The following ACVRL1 variants were observed in gnomAD, a reference collection of about 807,000 sequenced individuals.
ACVRL1 encodes the protein activin A receptor like type 1, also known as activin receptor type-1-like.
ACVRL1 carries 20 observed loss-of-function variants against 51.9 expected under a neutral mutation model. The ratio of observed to expected loss-of-function variants is 0.39; its 90% CI spans 0.27 to 0.56. ACVRL1 has a LOEUF of 0.56. ACVRL1 is among the 20% of genes least tolerant of loss of function. The pLI is 0.67. For missense variants in ACVRL1, 451 were observed against 670.3 expected (o/e 0.67, Z 3.61); for synonymous variants, 288 against 280.9 (o/e 1.03, Z -0.25).
intron 1 of ACVRL1, among the ~76,000 whole-genome samples, chr12:51,909,997 G>A (rs1013997162): frequency 2.6e-5 from 4 of 152,246 alleles, no homozygotes; most frequent in Admixed American, 6.5e-5. Flanking sequence ...CCAGGAGTCT[G>A]TCTGTGCTAC....
intron 8 of ACVRL1, among the ~76,000 whole-genome samples, chr12:51,916,764 A>G (rs573348918): frequency 6.6e-6 from 1 of 152,360 alleles, no homozygotes; most frequent in East Asian, 1.9e-4. Context: ...ACCTGAGGTC[A>G]GGAATTCAAG....
intron 1 of ACVRL1, among the ~76,000 whole-genome samples, chr12:51,910,615 C>T (rs11169953): frequency 0.36 from 54,242 of 151,986 alleles, 10,120 homozygotes; most frequent in East Asian, 0.57. Flanking sequence ...GCCACTTTTT[C>T]CTTTCCACCT....
intron 3 of ACVRL1, 46 bp from the exon 4 acceptor site, chr12:51,913,513 G>T (rs1475360763): frequency 1.9e-6 from 3 of 1,568,736 alleles, no homozygotes; most frequent in Non-Finnish European, 2.6e-6. Context: ...CGAGGTGGGG[G>T]GAGCTGACCT....
chr12:51,919,250 G>A, intron 9 of ACVRL1, 135 bp downstream of exon 9: 1 of 1,370,192 alleles, frequency 7.3e-7, no homozygotes, highest in Non-Finnish European at 1.0e-6. Context: ...ACCTCTCTAG[G>A]TACTCCCTCT....
chr12:51,917,573 A>G lies in ACVRL1; in HGVS notation c.1246+1340A>G, dbSNP rs909355123. On this transcript the variant is annotated intron_variant, in intron 8 of 9. Coordinates refer to ENST00000388922, the MANE Select transcript of ACVRL1 (RefSeq NM_000020.3). The surrounding 1 kb of genome is among the most constrained non-coding windows in gnomAD (Gnocchi z 4.2). ...GGCTGGAGCCCTGCTTCTTGGGGAC[A>G]AGGATGTCCTCATTTCCTGAGCATC... Among the ~76,000 whole-genome samples, 1 of 151,972 alleles carries G rather than the reference A, an allele frequency of 6.6e-6. No homozygotes were observed. The highest frequency in any genetic ancestry group is 2.4e-5 in the African/African-American group (1 of 41,374).
intron 8 of ACVRL1, among the ~76,000 whole-genome samples, chr12:51,918,411 A>G (rs1394656025): frequency 6.6e-6 from 1 of 152,380 alleles, no homozygotes; most frequent in South Asian, 2.1e-4. Flanking sequence ...AGTGGAGCTC[A>G]TAGTATTACC....
At chr12:51,914,115 T>C in intron 5 of ACVRL1, 42 bp downstream of exon 5, 5 of 1,591,984 alleles carry the variant, frequency 3.1e-6, no homozygotes, top group Non-Finnish European at 4.3e-6. Context: ...CCAAGGGCTC[T>C]CATGAGCCTG....
chr12:51,916,884 G>C (rs1032014615), intron 8 of ACVRL1, among the ~76,000 whole-genome samples: 4 of 152,180 alleles, frequency 2.6e-5, no homozygotes, highest in African/African-American at 9.7e-5. Flanking sequence ...TGAGGCAGGA[G>C]AATCACTTGA....
chr12:51,908,846 T>G (rs1940641174), intron 1 of ACVRL1, among the ~76,000 whole-genome samples: 1 of 152,152 alleles, frequency 6.6e-6, no homozygotes, highest in Admixed American at 6.5e-5. Context: ...TGAACCCAGG[T>G]CTCCATGCTC....
intron 6 of ACVRL1, among the ~76,000 whole-genome samples, 195 bp downstream of exon 6, chr12:51,914,780 G>C (rs991743405): frequency 1.3e-5 from 2 of 149,110 alleles, no homozygotes; most frequent in Non-Finnish European, 1.5e-5. Context: ...ACAGGGCCTC[G>C]CTCTGTCACC....
chr12:51,913,789 G>T lies in ACVRL1; in HGVS notation c.525+19G>T. On this transcript the variant is annotated intron_variant, in intron 4 of 9. Coordinates refer to ENST00000388922, the MANE Select transcript of ACVRL1 (RefSeq NM_000020.3). ...GTTGGGGGTATGGGCCTGGGGACCT[G>T]GGACACAGGGTGTAGGAGGGGCAGA... 1 of 1,609,432 alleles carries T rather than the reference G, an allele frequency of 6.2e-7. No individual in the cohort carries two copies. Among genetic ancestry groups the T allele is most frequent in the South Asian group, 1.1e-5 (1 of 90,948 alleles).
chr12:51,919,176 G>A, intron 9 of ACVRL1, 61 bp downstream of exon 9: 1 of 1,612,038 alleles, frequency 6.2e-7, no homozygotes. Flanking sequence ...GGATTTCTGG[G>A]CCCAGGAACT....
chr12:51,919,146 G>A, intron 9 of ACVRL1, 31 bp downstream of exon 9: 1 of 1,613,462 alleles, frequency 6.2e-7, no homozygotes, highest in South Asian at 1.1e-5. Flanking sequence ...AGGATGGCGT[G>A]GGGTGGTGGC....
rs1254028265 is a variant in ACVRL1 at position 51,913,282 on chromosome 12, C to A, written c.245C>A (p.Thr82Asn). Reference protein sequence around the residue: ...LHRELCRGRPTEFVNHYCCDS... With the variant: ...LHRELCRGRPNEFVNHYCCDS... The stretch of plus-strand genomic sequence containing the variant: ...AGGGAGCTCTGCAGGGGGCGCCCCA[C>A]CGAGTTCGTCAACCACTACTGCTGC... The change falls in exon 3 of 10, where the codon ACC becomes AAC. Residue 82 changes from threonine to asparagine, a missense_variant. By Grantham distance (65) the Thr-to-Asn change is moderately conservative. This residue lies in a region of ACVRL1 where 192 missense variants were observed against 216.9 expected (regional missense o/e 0.89). Coordinates refer to ENST00000388922, the MANE Select transcript of ACVRL1 (RefSeq NM_000020.3). The A allele has an allele frequency of 6.2e-7, 1 of 1,606,156 alleles. No homozygotes were observed. Among genetic ancestry groups the A allele is most frequent in the African/African-American group, 1.3e-5 (1 of 74,788 alleles).
intron 9 of ACVRL1, 46 bp from the exon 10 acceptor site, chr12:51,920,711 ATC>A (rs775088273): frequency 1.1e-5 from 18 of 1,601,408 alleles, no homozygotes; most frequent in East Asian, 2.2e-5. Flanking sequence ...TCTTCTCTGC[ATC>A]TCTCTCTCTG....
intron 1 of ACVRL1, among the ~76,000 whole-genome samples, chr12:51,910,925 G>C (rs900991097): frequency 2.0e-5 from 3 of 152,238 alleles, no homozygotes; most frequent in African/African-American, 7.2e-5. Flanking sequence ...ACCAGCCAGA[G>C]AGGCCTATGA....
In ACVRL1 at chr12:51,913,283, C is replaced by G; in HGVS notation, c.246C>G (p.Thr82=). The part of the protein sequence containing the change: ...LHRELCRGRP[T]EFVNHYCCDS... ...GGGAGCTCTGCAGGGGGCGCCCCAC[C>G]GAGTTCGTCAACCACTACTGCTGCG... is the stretch of plus-strand genomic sequence containing the variant. The change falls in exon 3 of 10, where the codon ACC becomes ACG. Residue 82 remains threonine (T), a synonymous_variant. Transcript: ENST00000388922. 6.2e-7 allele frequency: 1 copy of G among 1,606,372 alleles called. No homozygotes were observed. Among genetic ancestry groups the G allele is most frequent in the Non-Finnish European group, 8.5e-7 (1 of 1,176,722 alleles).
chr12:51,917,762 C>T lies in ACVRL1; in HGVS notation c.1247-1223C>T, dbSNP rs957116575. Among the ~76,000 whole-genome samples the T allele has an allele frequency of 6.6e-6, 1 of 151,952 alleles. No individual in the cohort carries two copies. Among genetic ancestry groups the T allele is most frequent in the South Asian group, 2.1e-4 (1 of 4,814 alleles). On this transcript the variant is annotated intron_variant, in intron 8 of 9. Coordinates refer to ENST00000388922, the MANE Select transcript of ACVRL1 (RefSeq NM_000020.3). This position sits in a 1 kb window ranked among gnomAD's most constrained non-coding sequence, Gnocchi z 4.2. ...GAGTGGGCTCTAAGGAGACCGGGAT[C>T]GGGGGAAAGAGGAACCTGGAAGAAG...
rs929715891 is a variant in ACVRL1 at position 51,917,992 on chromosome 12, A to G, written c.1247-993A>G. Reference sequence around the variant, plus strand: ...GCACTGATTAGGGCGTGAGCGGCACAGGGGCCGGCCTGGAAGCTGGCCATG... The same window carrying G: ...GCACTGATTAGGGCGTGAGCGGCACGGGGGCCGGCCTGGAAGCTGGCCATG... On this transcript the variant is annotated intron_variant, in intron 8 of 9. Coordinates refer to ENST00000388922, the MANE Select transcript of ACVRL1 (RefSeq NM_000020.3). The surrounding 1 kb of genome is among the most constrained non-coding windows in gnomAD (Gnocchi z 4.2). Among the ~76,000 whole-genome samples the G allele has an allele frequency of 6.6e-6, 1 of 152,254 alleles. No homozygotes were observed. Among genetic ancestry groups the G allele is most frequent in the African/African-American group, 2.4e-5 (1 of 41,468 alleles).
Sources: allele counts gnomAD v4.1 joint callset (sites outside exome capture counted in the v4.1 genomes callset), GRCh38; gene constraint gnomAD v4.1.1; regional missense constraint gnomAD v4.1.1; non-coding constraint Gnocchi (gnomAD v3.1); transcripts MANE v1.5; gene names NCBI Gene and HGNC (gene_info 2026-07-23, HGNC 2026-07-21).